Variants in ITGA2 observed in about 807,000 individuals in gnomAD.
ITGA2 encodes the protein integrin alpha-2.
In ITGA2, 101 loss-of-function variants were observed where a neutral mutation model predicts 146.3. That is an observed-to-expected ratio of 0.69 (90% CI 0.59 to 0.81). The LOEUF (loss-of-function observed/expected upper bound fraction) is 0.81. Ranked by LOEUF, ITGA2 falls within the 40% of genes least tolerant of loss-of-function variation. The pLI, the probability that ITGA2 is intolerant of heterozygous loss-of-function variation, is 0.00. For missense variants in ITGA2, 1,281 were observed against 1,402.7 expected (o/e 0.91, Z 1.39); for synonymous variants, 477 against 487.1 (o/e 0.98, Z 0.27).
chr5:53,076,433 C>T lies in ITGA2; in HGVS notation c.2825+1129C>T, dbSNP rs547151482. Among the ~76,000 whole-genome samples the T allele has an allele frequency of 4.6e-5, 7 of 152,090 alleles. No homozygotes were observed. The South Asian group carries it at 1.5e-3, about 32-fold the overall frequency. On this transcript the variant is annotated intron_variant, in intron 23 of 29. Coordinates refer to ENST00000296585, the MANE Select transcript of ITGA2 (RefSeq NM_002203.4). The stretch of plus-strand genomic sequence containing the variant: ...AAAGATGAAAAGAATGCTTCTGTAT[C>T]AAGTGAGTTGCAAATAGCACAAGCA...
intron 4 of ITGA2, 114 bp downstream of exon 4, chr5:53,045,206 T>G: frequency 2.5e-6 from 2 of 801,428 alleles, no homozygotes; most frequent in Non-Finnish European, 2.2e-6. Context: ...TGCTTTTTGA[T>G]AAATTATGCT....
At chr5:53,034,859 T>C (rs7718550) in intron 2 of ITGA2, among the ~76,000 whole-genome samples, 143 of 152,326 alleles carry the variant, frequency 9.4e-4, no homozygotes, top group African/African-American at 3.0e-3. Context: ...CAAACAGTGC[T>C]TCTCTAGAAG....
chr5:53,064,840 C>T (rs1745070445), intron 13 of ITGA2, 72 bp from the exon 14 acceptor site: 1 of 1,454,562 alleles, frequency 6.9e-7, no homozygotes, highest in South Asian at 1.1e-5. Flanking sequence ...CCACCACACC[C>T]AGCTGCTCTG....
chr5:53,044,950 A>C (rs765690153), intron 3 of ITGA2, 51 bp from the exon 4 acceptor site: 1 of 1,356,202 alleles, frequency 7.4e-7, no homozygotes, highest in Non-Finnish European at 1.1e-6. Flanking sequence ...AATATCTTTA[A>C]GTAAACGAGG....
chr5:53,007,849 G>C (rs1336440949), intron 1 of ITGA2, among the ~76,000 whole-genome samples: 2 of 152,150 alleles, frequency 1.3e-5, no homozygotes, highest in Non-Finnish European at 2.9e-5. Context: ...GCCTCCAAAT[G>C]ATCTAAACAC....
At chr5:53,015,236 A>G (rs1483680254) in intron 1 of ITGA2, among the ~76,000 whole-genome samples, 1 of 152,088 alleles carries the variant, frequency 6.6e-6, no homozygotes, top group East Asian at 1.9e-4. Flanking sequence ...TATGTTTAGC[A>G]CTATCAACTT....
chr5:53,048,091 G>C (rs554716536), intron 4 of ITGA2, among the ~76,000 whole-genome samples: 3 of 152,174 alleles, frequency 2.0e-5, no homozygotes, highest in African/African-American at 7.2e-5. Flanking sequence ...TAGCTTGTTG[G>C]GAGACCTCAT....
chr5:53,005,019 G>T (rs1338297602), intron 1 of ITGA2, among the ~76,000 whole-genome samples: 1 of 141,904 alleles, frequency 7.0e-6, no homozygotes, highest in Non-Finnish European at 1.5e-5. Context: ...TTCCTGTGGT[G>T]ATGTATGTGT....
At chr5:53,013,920 A>G (rs2111755564) in intron 1 of ITGA2, among the ~76,000 whole-genome samples, 1 of 152,178 alleles carries the variant, frequency 6.6e-6, no homozygotes, top group Non-Finnish European at 1.5e-5. Flanking sequence ...TTATTGGTGT[A>G]TAGGAATGCT....
chr5:53,061,277 G>A (rs924576397), intron 12 of ITGA2, among the ~76,000 whole-genome samples: 3 of 151,988 alleles, frequency 2.0e-5, no homozygotes, highest in Middle Eastern at 3.4e-3. Context: ...GTCACACAGC[G>A]TCCATGGATT....
chr5:52,997,102 C>T (rs1453555784), intron 1 of ITGA2, among the ~76,000 whole-genome samples: 5 of 152,300 alleles, frequency 3.3e-5, no homozygotes, highest in Admixed American at 1.3e-4. Context: ...CTCTTGAACA[C>T]GTAATTTACA....
rs1389024886 is a variant in ITGA2 at position 53,090,675 on chromosome 5, T to G, written c.*76T>G. On this transcript the variant is annotated 3_prime_UTR_variant, in exon 30 of 30. Transcript: ENST00000296585. Reference sequence around the variant, plus strand: ...GCTGTTTGCGTGAATGGATTTCTTTTTAAATCCCATATTTTTTTTATCATG... The same window carrying G: ...GCTGTTTGCGTGAATGGATTTCTTTGTAAATCCCATATTTTTTTTATCATG... The G allele has an allele frequency of 7.0e-6, 8 of 1,147,204 alleles. No homozygotes were observed. In the East Asian group the frequency reaches 1.9e-4, roughly 28 times the overall value. 71.1% of individuals were successfully genotyped at this position (1,147,204 alleles called of 1,614,324 possible).
chr5:53,019,134 A>G (rs531672267), intron 1 of ITGA2, among the ~76,000 whole-genome samples: 1 of 152,118 alleles, frequency 6.6e-6, no homozygotes, highest in Non-Finnish European at 1.5e-5. Flanking sequence ...TTAAATGAAA[A>G]TAAAGGGTAC....
chr5:53,013,457 A>G (rs966571640), intron 1 of ITGA2, among the ~76,000 whole-genome samples: 5 of 150,942 alleles, frequency 3.3e-5, no homozygotes, highest in African/African-American at 7.3e-5. Flanking sequence ...ATTCTGTGCC[A>G]TTCATCTATG....
chr5:53,013,122 ATTTTG>A (rs1742224579), intron 1 of ITGA2, among the ~76,000 whole-genome samples: 1 of 152,042 alleles, frequency 6.6e-6, no homozygotes, highest in South Asian at 2.1e-4. Context: ...TCACTTGTCA[ATTTTG>A]TTTTGTTATA....
Position 53,082,407 on chromosome 5 carries a change from T to C in ITGA2, c.3144+711T>C, listed in dbSNP as rs139964091. ...GAAACCAGAAGAATAAAATTATTTC[T>C]TTTAATGTGTATTAATCTACAAGTA... On this transcript the variant is annotated intron_variant, in intron 26 of 29. Transcript: ENST00000296585. 1.2e-3 allele frequency among the ~76,000 whole-genome samples: 185 copies of C among 152,336 alleles called. 1 individual carries two copies. In the South Asian group the frequency reaches 0.027, roughly 23 times the overall value.
At chr5:53,086,586 A>T (rs1746168483) in intron 27 of ITGA2, among the ~76,000 whole-genome samples, 1 of 152,208 alleles carries the variant, frequency 6.6e-6, no homozygotes, top group Admixed American at 6.5e-5. Flanking sequence ...TTTTTTAAAA[A>T]ATCTGAACTG....
At position 53,072,011 on chromosome 5, in the gene ITGA2, C is replaced by T; in HGVS notation, c.2309C>T (p.Ala770Val). The change falls in exon 18 of 30, where the codon GCC (alanine) becomes GTC (valine). Residue 770 changes from alanine (A) to valine (V), a missense_variant. By Grantham distance (64) the Ala-to-Val change is moderately conservative. Around this residue, in one of 3 missense-constraint regions of ITGA2, gnomAD observed 475 missense variants for 530.5 expected, o/e 0.90. Coordinates refer to ENST00000296585, the MANE Select transcript of ITGA2 (RefSeq NM_002203.4). ...CTGGAAAACCCTGGCACTAGCCCTG[C>T]CCTTGAAGCCTATTCTGAGACTGCC... ...ISLENPGTSP[A>V]LEAYSETAKV... The T allele has an allele frequency of 6.2e-7, 1 of 1,612,162 alleles. No homozygotes were observed. The highest frequency in any genetic ancestry group is 8.5e-7 in the Non-Finnish European group (1 of 1,178,782).
chr5:52,993,557 C>T (rs955051557), intron 1 of ITGA2, among the ~76,000 whole-genome samples: 10 of 152,096 alleles, frequency 6.6e-5, no homozygotes, highest in African/African-American at 1.2e-4. Context: ...TGGCTGTGAG[C>T]GGCTGTGTCA....
Sources: gnomAD v4.1 joint callset for allele counts (sites outside exome capture counted in the v4.1 genomes callset) on GRCh38, gnomAD v4.1.1 for gene constraint, gnomAD v4.1.1 regional missense constraint, MANE v1.5 for transcripts, NCBI Gene and HGNC (gene_info 2026-07-23, HGNC 2026-07-21) for gene names.